FAM241B: variants seen among roughly 807,000 people sequenced by gnomAD.
FAM241B encodes the protein family with sequence similarity 241 member B, also known as protein FAM241B.
Under a neutral mutation model 9.3 loss-of-function variants are expected in FAM241B, and 7 were observed. That is an observed-to-expected ratio of 0.75 (90% CI 0.43 to 1.41). The LOEUF (loss-of-function observed/expected upper bound fraction) is 1.41, where lower values mean the gene tolerates loss of function less well. Among genes scored for constraint, FAM241B ranks in the 40% most tolerant of loss-of-function variants. The pLI, the probability that FAM241B is intolerant of heterozygous loss-of-function variation, is 0.01. For synonymous variants in FAM241B, 60 were observed against 64.1 expected, an observed-to-expected ratio of 0.94 and a Z score of 0.31; for missense variants, 136 against 159.6, an observed-to-expected ratio of 0.85 and a Z score of 0.80.
chr10:69,633,250 G>C lies in FAM241B; in HGVS notation c.*191G>C. Reference sequence around the variant, plus strand: ...GTTAGTCCAGCATTTCCAAAGTGTGGGTGGGTCCGTTGGTTCCCAAGATAC... The same window carrying C: ...GTTAGTCCAGCATTTCCAAAGTGTGCGTGGGTCCGTTGGTTCCCAAGATAC... On this transcript the variant is annotated 3_prime_UTR_variant, in exon 4 of 4. Coordinates refer to ENST00000373279, the MANE Select transcript of FAM241B (RefSeq NM_145306.3). 2.3e-6 allele frequency: 2 copies of C among 851,706 alleles called. No homozygotes were observed. Among genetic ancestry groups the C allele is most frequent in the Non-Finnish European group, 3.6e-6 (2 of 559,526 alleles). 52.8% of individuals were successfully genotyped at this position (851,706 alleles called of 1,614,324 possible).
At chr10:69,632,754 A>G (rs762608663) in intron 3 of FAM241B, 36 bp from the exon 4 acceptor site, 1 of 1,600,310 alleles carries the variant, frequency 6.2e-7, no homozygotes, top group Non-Finnish European at 8.5e-7. Flanking sequence ...CGTCAACCCA[A>G]TGATTCATTC....
intron 3 of FAM241B, 86 bp from the exon 4 acceptor site, chr10:69,632,704 G>T (rs1013443029): frequency 6.8e-7 from 1 of 1,473,252 alleles, no homozygotes; most frequent in Non-Finnish European, 9.2e-7. Context: ...GCTGTAGGAA[G>T]GGCAGGATGC....
rs1194617585 is a variant in FAM241B, at chr10:69,633,332, G to A, written c.*273G>A. 1.8e-5 allele frequency: 9 copies of A among 513,174 alleles called. No individual in the cohort carries two copies. The highest frequency in any genetic ancestry group is 5.1e-4 in the Middle Eastern group (1 of 1,950). The allele number at this position is 513,174 out of a possible 1,614,324, so 31.8% of individuals were successfully genotyped here. A position where few individuals can be genotyped will look rare whatever the true frequency, so the allele number is the denominator to read the frequency against. On this transcript the variant is annotated 3_prime_UTR_variant, in exon 4 of 4. Transcript: ENST00000373279. ...CACAAAATCAGAGCAAGAAAGCGAT[G>A]CCCTTCCCAATTCTCTCAATCCTTT...
rs1168818885 is a variant in FAM241B at position 69,631,783 on chromosome 10, G to A, written c.40G>A (p.Asp14Asn). Residue 14 changes from aspartate (D) to asparagine (N), a missense_variant, in exon 3 of 4, where the codon GAC (aspartate) becomes AAC (asparagine). By Grantham distance (23) the Asp-to-Asn change is conservative. Transcript: ENST00000373279. ...GGCCAATGGGGAAATCGTGCAGGAT[G>A]ACGACCCCCGAGTGAGGACCACTAC... ...ILANGEIVQDDDPRVRTTTQP... is the reference protein window; with the variant it reads ...ILANGEIVQDNDPRVRTTTQP... 6.2e-7 allele frequency: 1 copy of A among 1,613,164 alleles called. No individual in the cohort carries two copies. The highest frequency in any genetic ancestry group is 1.1e-5 in the South Asian group (1 of 90,564).
rs759441773 is a variant in FAM241B at position 69,631,733 on chromosome 10, C to T, written c.-11C>T. ...GGTGCAGCCCATCAGGGACCCACAG[C>T]GCCTGGGAGGATGGTGCGGATCTTG... On this transcript the variant is annotated 5_prime_UTR_variant, in exon 3 of 4. Coordinates refer to ENST00000373279, the MANE Select transcript of FAM241B (RefSeq NM_145306.3). 5.0e-6 allele frequency: 8 copies of T among 1,611,326 alleles called. No individual in the cohort carries two copies. The highest frequency in any genetic ancestry group is 1.1e-5 in the South Asian group (1 of 89,952).
At chr10:69,630,791 TC>T in intron 1 of FAM241B, 1 of 710,274 alleles carries the variant, frequency 1.4e-6, no homozygotes, top group Non-Finnish European at 1.9e-6. Flanking sequence ...AGCAACCCCC[TC>T]CCATATTTTG....
chr10:69,633,074 T>C lies in FAM241B; in HGVS notation c.*15T>C, dbSNP rs554097533. The C allele has an allele frequency of 2.5e-6, 4 of 1,613,496 alleles. No individual in the cohort carries two copies. Among genetic ancestry groups the C allele is most frequent in the Non-Finnish European group, 3.4e-6 (4 of 1,179,632 alleles). On this transcript the variant is annotated 3_prime_UTR_variant, in exon 4 of 4. Coordinates refer to ENST00000373279, the MANE Select transcript of FAM241B (RefSeq NM_145306.3). Reference sequence around the variant, plus strand: ...GTCAGCGGTGACCTCTGAGGGCTGATAGGGGTGGGTTTGTTGAGAGGGACT... The same window carrying C: ...GTCAGCGGTGACCTCTGAGGGCTGACAGGGGTGGGTTTGTTGAGAGGGACT...
Position 69,631,438 on chromosome 10 carries a change from G to A in FAM241B, c.-103-42G>A, listed in dbSNP as rs1839817375. On this transcript the variant is annotated intron_variant, in intron 1 of 3. Coordinates refer to ENST00000373279, the MANE Select transcript of FAM241B (RefSeq NM_145306.3). Reference sequence around the variant, plus strand: ...CTCAATGTCTGAAATCTTTTTGCCTGGCAAACAACTTGCCTTTATTTCTCC... The same window carrying A: ...CTCAATGTCTGAAATCTTTTTGCCTAGCAAACAACTTGCCTTTATTTCTCC... The A allele has an allele frequency of 2.1e-6, 3 of 1,416,762 alleles. No individual in the cohort carries two copies. In the South Asian group the frequency reaches 3.7e-5, roughly 18 times the overall value. The allele number at this position is 1,416,762 out of a possible 1,614,324, so 87.8% of individuals were successfully genotyped here.
At chr10:69,631,343 T>C in intron 1 of FAM241B, 137 bp from the exon 2 acceptor site, 1 of 608,052 alleles carries the variant, frequency 1.6e-6, no homozygotes, top group Non-Finnish European at 2.6e-6. Flanking sequence ...CCAGTTGTGC[T>C]GTTGGCAGTG....
Position 69,631,748 on chromosome 10 carries a change from T to C in FAM241B, c.5T>C (p.Val2Ala). Reference sequence around the variant, plus strand: ...GGACCCACAGCGCCTGGGAGGATGGTGCGGATCTTGGCCAATGGGGAAATC... The same window carrying C: ...GGACCCACAGCGCCTGGGAGGATGGCGCGGATCTTGGCCAATGGGGAAATC... M[V>A]RILANGEIVQ... The change falls in exon 3 of 4, where the codon GTG becomes GCG. Residue 2 changes from valine (V) to alanine (A), a missense_variant. By Grantham distance (64) the Val-to-Ala change is moderately conservative. Coordinates refer to ENST00000373279, the MANE Select transcript of FAM241B (RefSeq NM_145306.3). 6.2e-7 allele frequency: 1 copy of C among 1,612,844 alleles called. No individual in the cohort carries two copies. The highest frequency in any genetic ancestry group is 8.5e-7 in the Non-Finnish European group (1 of 1,179,700).
chr10:69,631,506 CCT>C lies in FAM241B; in HGVS notation c.-74_-73del. ...CACAGCATCTACTCAGCGTGGGTCA[CCT>C]CTGTGAACATCACTGACTGCAAGCC... On this transcript the variant is annotated 5_prime_UTR_variant, in exon 2 of 4. Transcript: ENST00000373279. 1 of 1,536,482 alleles carries C rather than the reference CCT, an allele frequency of 6.5e-7. No homozygotes were observed.
Position 69,633,129 on chromosome 10 carries a change from T to A in FAM241B, c.*70T>A, listed in dbSNP as rs374963949. Reference sequence around the variant, plus strand: ...GGGCCTTGGTGTGAGAGCAGGCATATTTGGAGGGGATCTGGTGGTGCCTTG... The same window carrying A: ...GGGCCTTGGTGTGAGAGCAGGCATAATTGGAGGGGATCTGGTGGTGCCTTG... On this transcript the variant is annotated 3_prime_UTR_variant, in exon 4 of 4. Transcript: ENST00000373279. 1.6e-4 allele frequency: 247 copies of A among 1,576,042 alleles called. 3 individuals carry two copies. In the African/African-American group the frequency reaches 2.4e-3, roughly 15 times the overall value.
chr10:69,633,271 G>C lies in FAM241B; in HGVS notation c.*212G>C. 1 of 663,946 alleles carries C rather than the reference G, an allele frequency of 1.5e-6. No individual in the cohort carries two copies. The highest frequency in any genetic ancestry group is 1.9e-5 in the South Asian group (1 of 51,530). 41.1% of individuals were successfully genotyped at this position (663,946 alleles called of 1,614,324 possible). On this transcript the variant is annotated 3_prime_UTR_variant, in exon 4 of 4. Transcript: ENST00000373279. ...TGTGGGTGGGTCCGTTGGTTCCCAA[G>C]ATACTTTTAGGTGGTATGGGGCCTG...
intron 1 of FAM241B, 43 bp from the exon 2 acceptor site, chr10:69,631,437 T>G (rs1275929171): frequency 7.1e-7 from 1 of 1,416,480 alleles, no homozygotes; most frequent in Non-Finnish European, 9.5e-7. Flanking sequence ...TCTTTTTGCC[T>G]GGCAAACAAC....
intron 3 of FAM241B, 21 bp from the exon 4 acceptor site, chr10:69,632,769 C>T (rs923550346): frequency 1.9e-5 from 30 of 1,608,356 alleles, no homozygotes; most frequent in Non-Finnish European, 2.5e-5. Flanking sequence ...TCATTCATCT[C>T]TCTCTGTCTT....
chr10:69,633,287 A>G lies in FAM241B; in HGVS notation c.*228A>G. On this transcript the variant is annotated 3_prime_UTR_variant, in exon 4 of 4. Transcript: ENST00000373279. ...GGTTCCCAAGATACTTTTAGGTGGT[A>G]TGGGGCCTGCATTAAGTGGCACAAA... The G allele has an allele frequency of 1.6e-6, 1 of 615,094 alleles. No individual in the cohort carries two copies. Among genetic ancestry groups the G allele is most frequent in the Middle Eastern group, 4.4e-4 (1 of 2,278 alleles). 38.1% of individuals were successfully genotyped at this position (615,094 alleles called of 1,614,324 possible).
rs1839849963 is a variant in FAM241B at position 69,632,682 on chromosome 10, T to G, written c.97-108T>G. 2.3e-6 allele frequency: 3 copies of G among 1,279,152 alleles called. No individual in the cohort carries two copies. In the Admixed American group the frequency reaches 6.7e-5, roughly 28 times the overall value. The allele number at this position is 1,279,152 out of a possible 1,614,324, so 79.2% of individuals were successfully genotyped here. A position where few individuals can be genotyped will look rare whatever the true frequency, so the allele number is the denominator to read the frequency against. ...GGGGGATTGCTGAGAAAGGAGGGTGTGACCCTGGGTGGCTGTAGGAAGGGC... is the reference window on the plus strand; with the variant it reads ...GGGGGATTGCTGAGAAAGGAGGGTGGGACCCTGGGTGGCTGTAGGAAGGGC... On this transcript the variant is annotated intron_variant, in intron 3 of 3. Transcript: ENST00000373279.
chr10:69,632,317 G>A (rs1353918654), intron 3 of FAM241B, among the ~76,000 whole-genome samples: 1 of 152,072 alleles, frequency 6.6e-6, no homozygotes, highest in African/African-American at 2.4e-5. Context: ...AATTAGCCAG[G>A]TGTGGTGGTG....
chr10:69,631,968 G>GACTTGGGA, intron 3 of FAM241B, 129 bp downstream of exon 3: 1 of 264,364 alleles, frequency 3.8e-6, no homozygotes, highest in Non-Finnish European at 5.6e-6. Context: ...GAGAGCTGGG[G>GACTTGGGA]AAGATGCAGT....
Sources: gnomAD v4.1 joint callset for allele counts (sites outside exome capture counted in the v4.1 genomes callset) on GRCh38, gnomAD v4.1.1 for gene constraint, MANE v1.5 for transcripts, NCBI Gene and HGNC (gene_info 2026-07-23, HGNC 2026-07-21) for gene names.